The following AP3B1 variants were observed in gnomAD, a reference collection of about 807,000 sequenced individuals.
AP3B1 encodes adaptor related protein complex 3 subunit beta 1.
In AP3B1, 61 loss-of-function variants were observed where a neutral mutation model predicts 132.5. That is an observed-to-expected ratio of 0.46 (90% CI 0.37 to 0.57). The LOEUF is 0.57. Ranked by LOEUF, AP3B1 falls within the 20% of genes least tolerant of loss-of-function variation. AP3B1 has a pLI of 0.00. For missense variants in AP3B1, 1,120 were observed against 1,289.4 expected (o/e 0.87, Z 2.01); for synonymous variants, 388 against 438.3 (o/e 0.89, Z 1.43).
chr5:78,176,861 G>A (rs185581743), intron 9 of AP3B1, among the ~76,000 whole-genome samples: 200 of 152,278 alleles, frequency 1.3e-3, no homozygotes, highest in Non-Finnish European at 2.1e-3. Flanking sequence ...GTGGAGCAAA[G>A]CATAGTAATT....
intron 24 of AP3B1, among the ~76,000 whole-genome samples, chr5:78,033,614 C>T (rs1427064327): frequency 6.6e-6 from 1 of 151,824 alleles, no homozygotes; most frequent in African/African-American, 2.4e-5. Context: ...AACAAAGAAA[C>T]TTCAACTCAA....
intron 3 of AP3B1, among the ~76,000 whole-genome samples, chr5:78,229,475 G>C (rs529551241): frequency 6.6e-6 from 1 of 151,780 alleles, no homozygotes; most frequent in African/African-American, 2.4e-5. Flanking sequence ...GCTCACGCCT[G>C]TAATCCCAGC....
chr5:78,281,052 T>C (rs1000055365), intron 1 of AP3B1, among the ~76,000 whole-genome samples: 11 of 152,166 alleles, frequency 7.2e-5, no homozygotes, highest in Admixed American at 5.9e-4. Flanking sequence ...AGAAAAAAAG[T>C]CCTACAAATT....
chr5:78,161,718 A>G (rs2112368613), intron 13 of AP3B1, among the ~76,000 whole-genome samples: 1 of 152,150 alleles, frequency 6.6e-6, no homozygotes, highest in African/African-American at 2.4e-5. Flanking sequence ...TACTACATGT[A>G]GAAAAATCTT....
At chr5:78,146,507 C>T (rs1325966326) in intron 14 of AP3B1, among the ~76,000 whole-genome samples, 1 of 152,082 alleles carries the variant, frequency 6.6e-6, no homozygotes, top group East Asian at 1.9e-4. Context: ...TATCATATTC[C>T]AGATTTGTCT....
intron 6 of AP3B1, among the ~76,000 whole-genome samples, chr5:78,224,047 C>CTA (rs1746299251): frequency 6.6e-6 from 1 of 152,004 alleles, no homozygotes; most frequent in Non-Finnish European, 1.5e-5. Flanking sequence ...ATCTCTTGCA[C>CTA]TTATAATAGA....
chr5:78,201,556 T>G (rs779786572), intron 7 of AP3B1, among the ~76,000 whole-genome samples: 1 of 152,198 alleles, frequency 6.6e-6, no homozygotes, highest in Admixed American at 6.6e-5. Context: ...TAAAGGAAGA[T>G]GTACCAAAAA....
At chr5:78,017,478 GA>G in intron 25 of AP3B1, among the ~76,000 whole-genome samples, 1 of 151,886 alleles carries the variant, frequency 6.6e-6, no homozygotes, top group South Asian at 2.1e-4. Context: ...AACCTGGAAA[GA>G]AAAAAAGGTG....
intron 22 of AP3B1, chr5:78,043,534 G>T: frequency 2.5e-6 from 1 of 401,502 alleles, no homozygotes. Flanking sequence ...GCTATGAACT[G>T]TAAGTGCTCT....
chr5:78,128,898 G>A (rs1041946456), intron 16 of AP3B1, among the ~76,000 whole-genome samples: 2 of 151,828 alleles, frequency 1.3e-5, no homozygotes, highest in African/African-American at 4.8e-5. Flanking sequence ...AAGTCAGAAC[G>A]CTTAAAATTA....
Position 78,180,684 on chromosome 5 carries a change from G to C in AP3B1, c.942+823C>G, listed in dbSNP as rs1411155843. ...ACTAGAGAAAAAAAGGTTAGAAAATGCTATGTACAGTATGATTTTTATCTT... is the reference window on the plus strand; with the variant it reads ...ACTAGAGAAAAAAAGGTTAGAAAATCCTATGTACAGTATGATTTTTATCTT... On this transcript the variant is annotated intron_variant, in intron 8 of 26. Transcript: ENST00000255194. Among the ~76,000 whole-genome samples, 6 of 151,978 alleles carry C rather than the reference G, an allele frequency of 3.9e-5. No individual in the cohort carries two copies. In the East Asian group the frequency reaches 1.2e-3, roughly 29 times the overall value.
Position 78,048,344 on chromosome 5 carries a change from T to G in AP3B1, c.2578-9070A>C, listed in dbSNP as rs77753821. Among the ~76,000 whole-genome samples the G allele has an allele frequency of 9.8e-3, 1,496 of 152,302 alleles. 34 individuals carry two copies. Among genetic ancestry groups the G allele is most frequent in the African/African-American group, 0.033 (1,362 of 41,570 alleles). On this transcript the variant is annotated intron_variant, in intron 22 of 26. Transcript: ENST00000255194. ...TTGAGGAAGCTTTGCCCCCAATGCTTCTTTACCCTATAGTGGTTATGTATG... is the reference window on the plus strand; with the variant it reads ...TTGAGGAAGCTTTGCCCCCAATGCTGCTTTACCCTATAGTGGTTATGTATG...
chr5:78,293,268 T>C (rs1749613202), intron 1 of AP3B1, among the ~76,000 whole-genome samples: 1 of 152,228 alleles, frequency 6.6e-6, no homozygotes, highest in South Asian at 2.1e-4. Flanking sequence ...GATGCCGATA[T>C]ACAGGTTAAT....
intron 1 of AP3B1, among the ~76,000 whole-genome samples, chr5:78,291,352 G>A (rs1580602350): frequency 7.2e-6 from 1 of 139,302 alleles, no homozygotes. Context: ...GTTGTTAAAT[G>A]TAGAAGTGGT....
intron 22 of AP3B1, among the ~76,000 whole-genome samples, chr5:78,070,822 A>C (rs961948403): frequency 1.3e-5 from 2 of 152,202 alleles, no homozygotes; most frequent in Non-Finnish European, 1.5e-5. Flanking sequence ...GCTCCATATC[A>C]CTGATCGTTA....
intron 21 of AP3B1, among the ~76,000 whole-genome samples, chr5:78,090,177 C>T (rs994411877): frequency 6.6e-6 from 1 of 152,184 alleles, no homozygotes; most frequent in African/African-American, 2.4e-5. Context: ...TATGGTCTGC[C>T]CCAGCCCAAA....
chr5:78,119,323 G>C (rs1386761778), intron 17 of AP3B1, among the ~76,000 whole-genome samples: 2 of 152,288 alleles, frequency 1.3e-5, no homozygotes, highest in Non-Finnish European at 1.5e-5. Context: ...ACCAGCAACA[G>C]AACAAAGCTG....
At chr5:78,081,678 AGTTT>A (rs921077877) in intron 22 of AP3B1, among the ~76,000 whole-genome samples, 4 of 152,180 alleles carry the variant, frequency 2.6e-5, no homozygotes, top group Non-Finnish European at 5.9e-5. Context: ...AAACAAAAAA[AGTTT>A]GTTATTAAGG....
chr5:78,239,861 T>A (rs1747049224), intron 3 of AP3B1, among the ~76,000 whole-genome samples: 1 of 152,110 alleles, frequency 6.6e-6, no homozygotes, highest in Admixed American at 6.5e-5. Context: ...TCACATTTAG[T>A]TAAGTAATAT....
Sources: allele counts gnomAD v4.1 joint callset (sites outside exome capture counted in the v4.1 genomes callset), GRCh38; gene constraint gnomAD v4.1.1; transcripts MANE v1.5; gene names NCBI Gene and HGNC (gene_info 2026-07-23, HGNC 2026-07-21).